ST6GALNAC3: variants seen among roughly 807,000 people sequenced by gnomAD.
ST6GALNAC3 encodes the protein ST6 N-acetylgalactosaminide alpha-2,6-sialyltransferase 3, also known as alpha-N-acetylgalactosaminide alpha-2,6-sialyltransferase 3.
In ST6GALNAC3, 25 loss-of-function variants were observed where a neutral mutation model predicts 32.7. That is an observed-to-expected ratio of 0.76 (90% CI 0.56 to 1.07). ST6GALNAC3 has a LOEUF of 1.07. ST6GALNAC3 is among the 50% of genes least tolerant of loss of function. ST6GALNAC3 has a pLI of 0.00. For missense variants in ST6GALNAC3, 355 were observed against 382.4 expected (o/e 0.93, Z 0.60); for synonymous variants, 129 against 133.1 (o/e 0.97, Z 0.21).
At chr1:76,386,359 G>T (rs759199063) in intron 2 of ST6GALNAC3, among the ~76,000 whole-genome samples, 1 of 152,092 alleles carries the variant, frequency 6.6e-6, no homozygotes, top group Non-Finnish European at 1.5e-5. Context: ...ACCCCACAGG[G>T]TTGTTGTAAG....
At chr1:76,208,870 A>G (rs1011475664) in intron 1 of ST6GALNAC3, among the ~76,000 whole-genome samples, 2 of 152,108 alleles carry the variant, frequency 1.3e-5, no homozygotes, top group Non-Finnish European at 1.5e-5. Context: ...TCTGGAGACA[A>G]GTAGTGCTGA....
At chr1:76,292,844 T>C (rs1158655183) in intron 1 of ST6GALNAC3, among the ~76,000 whole-genome samples, 3 of 152,304 alleles carry the variant, frequency 2.0e-5, no homozygotes, top group Non-Finnish European at 4.4e-5. Context: ...CTTTCTGATA[T>C]ATAAAACCAA....
rs187493119 is a variant in ST6GALNAC3 at position 76,485,558 on chromosome 1, C to T, written c.623+73141C>T. Among the ~76,000 whole-genome samples the T allele has an allele frequency of 5.9e-5, 9 of 152,274 alleles. No individual in the cohort carries two copies. In the East Asian group the frequency reaches 1.7e-3, roughly 29 times the overall value. ...ATGGTTGTTTGTATTTCTGTGGGAT[C>T]AGTGGTGATATCCCCTTTATGATTT... On this transcript the variant is annotated intron_variant, in intron 3 of 4. Transcript: ENST00000328299.
intron 1 of ST6GALNAC3, among the ~76,000 whole-genome samples, chr1:76,108,717 C>G (rs1261397560): frequency 2.0e-5 from 3 of 151,986 alleles, no homozygotes; most frequent in Non-Finnish European, 4.4e-5. Flanking sequence ...AATTTAAATC[C>G]CTCGATCGAA....
chr1:76,484,615 A>C (rs1297491858), intron 3 of ST6GALNAC3, among the ~76,000 whole-genome samples: 4 of 152,088 alleles, frequency 2.6e-5, no homozygotes, highest in Admixed American at 2.6e-4. Context: ...GCTTAAGGAG[A>C]TTTTGGGCTG....
At chr1:76,237,524 C>A (rs781437999) in intron 1 of ST6GALNAC3, among the ~76,000 whole-genome samples, 5 of 152,112 alleles carry the variant, frequency 3.3e-5, no homozygotes, top group Non-Finnish European at 7.3e-5. Context: ...CATATACTTC[C>A]CTATATCAAG....
At chr1:76,176,645 A>G (rs1465159475) in intron 1 of ST6GALNAC3, among the ~76,000 whole-genome samples, 1 of 152,194 alleles carries the variant, frequency 6.6e-6, no homozygotes, top group Non-Finnish European at 1.5e-5. Context: ...TTTCCTAAAC[A>G]TAATGTACAA....
intron 2 of ST6GALNAC3, among the ~76,000 whole-genome samples, chr1:76,326,838 T>TC (rs1219163762): frequency 6.6e-6 from 1 of 151,164 alleles, no homozygotes; most frequent in Non-Finnish European, 1.5e-5. Flanking sequence ...TTTTTTTTTT[T>TC]TTTTTGCATT....
chr1:76,150,849 TAGG>T (rs1329603415), intron 1 of ST6GALNAC3, among the ~76,000 whole-genome samples: 4 of 152,200 alleles, frequency 2.6e-5, no homozygotes. Context: ...TGGCTTTTTC[TAGG>T]AGATCTTGGC....
Position 76,613,608 on chromosome 1 carries a change from G to A in ST6GALNAC3, c.624-13844G>A, listed in dbSNP as rs186993436. The stretch of plus-strand genomic sequence containing the variant: ...AGGAGGGGCCTGGTGGGAGGTGACC[G>A]GATCATGGGGACAGACATCCCCCTT... On this transcript the variant is annotated intron_variant, in intron 3 of 4. Transcript: ENST00000328299. Among the ~76,000 whole-genome samples the A allele has an allele frequency of 5.4e-4, 83 of 152,298 alleles. No individual in the cohort carries two copies. In the East Asian group the frequency reaches 6.2e-3, roughly 11 times the overall value.
chr1:76,213,192 A>G (rs771334541), intron 1 of ST6GALNAC3, among the ~76,000 whole-genome samples: 5 of 152,292 alleles, frequency 3.3e-5, no homozygotes, highest in Admixed American at 6.5e-5. Context: ...ATTCTGGCCA[A>G]TGGGATCTGT....
In ST6GALNAC3 at chr1:76,630,275, G is replaced by C. The variant is rs1214735424; in HGVS notation, c.*1469G>C. ...TCACAAAGGATGGTCTTGGCCATAT[G>C]CTAGGGCCCCTGTGAAAATAAGTAG... On this transcript the variant is annotated 3_prime_UTR_variant, in exon 5 of 5. Coordinates refer to ENST00000328299, the MANE Select transcript of ST6GALNAC3 (RefSeq NM_152996.4). The C allele has an allele frequency of 1.8e-5, 18 of 985,172 alleles. No homozygotes were observed. The East Asian group carries it at 4.5e-4, about 25-fold the overall frequency. 61.0% of individuals were successfully genotyped at this position (985,172 alleles called of 1,614,324 possible).
intron 3 of ST6GALNAC3, among the ~76,000 whole-genome samples, chr1:76,436,388 G>C (rs571520687): frequency 6.6e-6 from 1 of 152,186 alleles, no homozygotes; most frequent in African/African-American, 2.4e-5. Flanking sequence ...CTCAATGGAT[G>C]CTGCTTTCTT....
At chr1:76,576,476 A>G (rs184298542) in intron 3 of ST6GALNAC3, among the ~76,000 whole-genome samples, 14 of 152,190 alleles carry the variant, frequency 9.2e-5, no homozygotes, top group Admixed American at 9.2e-4. Flanking sequence ...CCCCTATTGC[A>G]GTTAGACCAA....
At chr1:76,573,883 G>T (rs758647856) in intron 3 of ST6GALNAC3, among the ~76,000 whole-genome samples, 2 of 152,110 alleles carry the variant, frequency 1.3e-5, no homozygotes, top group Non-Finnish European at 2.9e-5. Context: ...GAGTGGGGTT[G>T]GCAGGGACAG....
chr1:76,084,901 T>C (rs1646945212), intron 1 of ST6GALNAC3, among the ~76,000 whole-genome samples: 1 of 152,170 alleles, frequency 6.6e-6, no homozygotes, highest in South Asian at 2.1e-4. Flanking sequence ...TTTACAGATA[T>C]TTATTGTCTC....
chr1:76,504,783 T>C (rs1041286140), intron 3 of ST6GALNAC3, among the ~76,000 whole-genome samples: 4 of 152,224 alleles, frequency 2.6e-5, no homozygotes, highest in Non-Finnish European at 5.9e-5. Context: ...TTTGAGCTTT[T>C]CTAAACTATT....
chr1:76,256,577 A>G (rs1657932123), intron 1 of ST6GALNAC3, among the ~76,000 whole-genome samples: 2 of 152,062 alleles, frequency 1.3e-5, no homozygotes, highest in Admixed American at 6.6e-5. Flanking sequence ...GAGAATTTGT[A>G]GAATTCATGT....
At chr1:76,326,457 A>G (rs1203687995) in intron 2 of ST6GALNAC3, among the ~76,000 whole-genome samples, 1 of 152,200 alleles carries the variant, frequency 6.6e-6, no homozygotes, top group African/African-American at 2.4e-5. Context: ...TGCCAAAAAT[A>G]ATTTCATTCA....
Sources: allele counts gnomAD v4.1 joint callset (sites outside exome capture counted in the v4.1 genomes callset), GRCh38; gene constraint gnomAD v4.1.1; transcripts MANE v1.5; gene names NCBI Gene and HGNC (gene_info 2026-07-23, HGNC 2026-07-21).